CSMD1: variants seen among roughly 807,000 people sequenced by gnomAD.
The protein encoded by CSMD1 is CUB and sushi domain-containing protein 1.
A neutral mutation model predicts 417.5 loss-of-function variants in CSMD1; 213 were observed. The observed-to-expected ratio is 0.51, with a 90% CI of 0.46 to 0.57. CSMD1 has a LOEUF of 0.57. Ranked by LOEUF, CSMD1 falls within the 20% of genes least tolerant of loss-of-function variation. The pLI is 0.00. For missense variants in CSMD1, 6,923 were observed against 4,529.7 expected (o/e 1.53, Z -15.17); for synonymous variants, 2,862 against 1,736.8 (o/e 1.65, Z -16.11).
rs1431866947 is a variant in CSMD1, at chr8:4,972,199, G to A, written c.85+22133C>T. On this transcript the variant is annotated intron_variant, in intron 1 of 69. Transcript: ENST00000635120. ...TATAAAAACAGAGACTTCAGGCTTA[G>A]TACACAAAGATGGAAATTTTTGTGT... Among the ~76,000 whole-genome samples the A allele has an allele frequency of 2.6e-5, 4 of 152,082 alleles. No homozygotes were observed. In the East Asian group the frequency reaches 7.7e-4, roughly 29 times the overall value.
At chr8:4,957,789 C>G (rs984259076) in intron 1 of CSMD1, among the ~76,000 whole-genome samples, 1 of 152,140 alleles carries the variant, frequency 6.6e-6, no homozygotes, top group Non-Finnish European at 1.5e-5. Context: ...CACAAACTGA[C>G]TAGGACAGGG....
At chr8:3,269,042 A>G (rs13256957) in intron 26 of CSMD1, among the ~76,000 whole-genome samples, 85,234 of 152,126 alleles carry the variant, frequency 0.56, 24,034 homozygotes, top group Admixed American at 0.61. Context: ...TTTGTAATCA[A>G]TCTCGCTAAT....
intron 5 of CSMD1, among the ~76,000 whole-genome samples, chr8:3,903,679 A>G (rs1807917152): frequency 6.6e-6 from 1 of 152,166 alleles, no homozygotes; most frequent in South Asian, 2.1e-4. Flanking sequence ...TGGCTGTCTA[A>G]TGATGTGATT....
chr8:3,251,540 G>A (rs577981453), intron 26 of CSMD1, among the ~76,000 whole-genome samples: 29 of 152,094 alleles, frequency 1.9e-4, no homozygotes, highest in East Asian at 1.7e-3. Context: ...TTGACTTGGC[G>A]ATGCGGGCTC....
intron 54 of CSMD1, among the ~76,000 whole-genome samples, chr8:2,983,511 T>C (rs938308669): frequency 2.0e-5 from 3 of 152,230 alleles, no homozygotes; most frequent in Non-Finnish European, 4.4e-5. Flanking sequence ...TTTAACTTCA[T>C]TTATTTATTC....
chr8:4,928,990 G>C (rs963819470), intron 1 of CSMD1, among the ~76,000 whole-genome samples: 5 of 152,138 alleles, frequency 3.3e-5, no homozygotes, highest in African/African-American at 4.8e-5. Flanking sequence ...AGAGTCACTT[G>C]AACCCGGGCG....
Position 3,031,923 on chromosome 8 carries a change from T to A in CSMD1, c.7661-2410A>T, listed in dbSNP as rs1170423141. ...TATTGTAAACACTGTCTTTTTACAT[T>A]TTTTTAGTATAGTGACTGACAAATT... On this transcript the variant is annotated intron_variant, in intron 50 of 69. Coordinates refer to ENST00000635120, the MANE Select transcript of CSMD1 (RefSeq NM_033225.6). 2.0e-5 allele frequency among the ~76,000 whole-genome samples: 3 copies of A among 151,598 alleles called. 1 individual carries two copies.
intron 3 of CSMD1, among the ~76,000 whole-genome samples, chr8:4,224,912 G>T (rs1414117153): frequency 6.6e-6 from 1 of 151,640 alleles, no homozygotes; most frequent in Non-Finnish European, 1.5e-5. Flanking sequence ...GAGTCCAAAG[G>T]CCAGCCTTCC....
At chr8:4,225,394 T>C (rs1482192465) in intron 3 of CSMD1, among the ~76,000 whole-genome samples, 1 of 152,200 alleles carries the variant, frequency 6.6e-6, no homozygotes. Context: ...GAATTTCTAG[T>C]TCGTAAGCCT....
intron 1 of CSMD1, among the ~76,000 whole-genome samples, chr8:4,963,761 A>G (rs946239165): frequency 2.6e-5 from 4 of 152,170 alleles, no homozygotes; most frequent in Non-Finnish European, 5.9e-5. Flanking sequence ...CACTTAACAA[A>G]ATAACATGAC....
chr8:3,960,099 G>C (rs1013417690), intron 5 of CSMD1, among the ~76,000 whole-genome samples: 2 of 152,198 alleles, frequency 1.3e-5, no homozygotes, highest in Admixed American at 6.5e-5. Flanking sequence ...CTGGAGCTAA[G>C]TGGAAACACA....
chr8:3,825,958 T>C (rs537139848), intron 5 of CSMD1, among the ~76,000 whole-genome samples: 1 of 152,326 alleles, frequency 6.6e-6, no homozygotes, highest in Admixed American at 6.5e-5. Context: ...ATTAAATGCA[T>C]CGTTTTAACT....
At chr8:4,046,610 G>C (rs755309478) in intron 3 of CSMD1, among the ~76,000 whole-genome samples, 3 of 120,494 alleles carry the variant, frequency 2.5e-5, no homozygotes, top group African/African-American at 2.6e-5. Context: ...GTTGATTGTT[G>C]AGTCTTGATA....
At chr8:3,925,756 T>C (rs1256115621) in intron 5 of CSMD1, among the ~76,000 whole-genome samples, 1 of 152,108 alleles carries the variant, frequency 6.6e-6, no homozygotes, top group East Asian at 1.9e-4. Context: ...CATGTGGAAC[T>C]GTAAGTCCCA....
intron 26 of CSMD1, 111 bp from the exon 27 acceptor site, chr8:3,230,342 A>G (rs369407801): frequency 1.3e-6 from 1 of 746,110 alleles, no homozygotes; most frequent in Non-Finnish European, 2.1e-6. Context: ...CTAATAAGTC[A>G]TTTGTCTACA....
chr8:3,188,879 G>A lies in CSMD1; in HGVS notation c.5523+8C>T. The A allele has an allele frequency of 6.4e-7, 1 of 1,554,648 alleles. No homozygotes were observed. Among genetic ancestry groups the A allele is most frequent in the Non-Finnish European group, 8.7e-7 (1 of 1,148,986 alleles). On this transcript the variant is annotated splice_region_variant and intron_variant, in intron 35 of 69. Transcript: ENST00000635120. Reference sequence around the variant, plus strand: ...CCCTGTTGTAGACTGTGGACTTCAAGGACTCACCTGAATTCCCGAGCCCTC... The same window carrying A: ...CCCTGTTGTAGACTGTGGACTTCAAAGACTCACCTGAATTCCCGAGCCCTC...
In CSMD1 at chr8:3,951,986, T is replaced by G. The variant is rs77041021; in HGVS notation, c.818+45917A>C. Among the ~76,000 whole-genome samples the G allele has an allele frequency of 9.0e-3, 1,376 of 152,326 alleles. 17 individuals are homozygous for G. The highest frequency in any genetic ancestry group is 0.028 in the African/African-American group (1,178 of 41,560). On this transcript the variant is annotated intron_variant, in intron 5 of 69. Transcript: ENST00000635120. Reference sequence around the variant, plus strand: ...AATAATAAAGGAAATTTTCCCTGATTACACTTGGAACAACTTCACCATTTA... The same window carrying G: ...AATAATAAAGGAAATTTTCCCTGATGACACTTGGAACAACTTCACCATTTA...
chr8:4,374,962 G>GGGT (rs372912827), intron 3 of CSMD1, among the ~76,000 whole-genome samples: 2,059 of 49,772 alleles, frequency 0.041, 195 homozygotes, highest in African/African-American at 0.078. Context: ...AAGGTGGGGT[G>GGGT]GGGGGGGGGG....
At chr8:3,775,696 A>C (rs868233147) in intron 5 of CSMD1, among the ~76,000 whole-genome samples, 1 of 152,194 alleles carries the variant, frequency 6.6e-6, no homozygotes, top group Non-Finnish European at 1.5e-5. Context: ...AATAAGTTCT[A>C]GTTCCTAAAT....
Sources: gnomAD v4.1 joint callset for allele counts (sites outside exome capture counted in the v4.1 genomes callset) on GRCh38, gnomAD v4.1.1 for gene constraint, MANE v1.5 for transcripts, NCBI Gene and HGNC (gene_info 2026-07-23, HGNC 2026-07-21) for gene names.